FMNL3: variants seen among roughly 807,000 people sequenced by gnomAD.
FMNL3 encodes formin like 3.
Under a neutral mutation model 119.6 loss-of-function variants are expected in FMNL3, and 57 were observed. The ratio of observed to expected loss-of-function variants is 0.48; its 90% CI spans 0.39 to 0.59. The LOEUF (loss-of-function observed/expected upper bound fraction) is 0.59. Ranked by LOEUF, FMNL3 falls within the 20% of genes least tolerant of loss-of-function variation. FMNL3 has a pLI of 0.00. For missense variants in FMNL3, 1,053 were observed against 1,323.5 expected, an observed-to-expected ratio of 0.80 and a Z score of 3.17; for synonymous variants, 491 against 507.3, an observed-to-expected ratio of 0.97 and a Z score of 0.43.
At position 49,637,066 on chromosome 12, in the gene FMNL3, C is replaced by CA. The variant is rs565902316; in HGVS notation, c.*8748dup. 22 of 691,130 alleles carry CA rather than the reference C, an allele frequency of 3.2e-5. No homozygotes were observed. In the East Asian group the frequency reaches 5.8e-4, roughly 18 times the overall value. 42.8% of individuals were successfully genotyped at this position (691,130 alleles called of 1,614,324 possible). ...AGGGAGACTAGATGTATGCACCACC[C>CA]AGAAACTGCCAGTAGAGAGCACCCT... On this transcript the variant is annotated 3_prime_UTR_variant, in exon 26 of 26. Coordinates refer to ENST00000335154, the MANE Select transcript of FMNL3 (RefSeq NM_175736.5).
chr12:49,700,941 T>G (rs1449611847), intron 1 of FMNL3, among the ~76,000 whole-genome samples: 2 of 150,670 alleles, frequency 1.3e-5, no homozygotes, highest in Non-Finnish European at 3.0e-5. Context: ...TAGCCAGGCG[T>G]GGTGGTGGGC....
At position 49,653,814 on chromosome 12, in the gene FMNL3, C is replaced by T. The variant is rs1943482359; in HGVS notation, c.1132G>A (p.Val378Met). 4 of 1,614,240 alleles carry T rather than the reference C, an allele frequency of 2.5e-6. No individual in the cohort carries two copies. The highest frequency in any genetic ancestry group is 2.2e-5 in the South Asian group (2 of 91,084). The change falls in exon 12 of 26, where the codon GTG becomes ATG. Residue 378 changes from valine (V) to methionine (M), a missense_variant. Physicochemically the swap from Val to Met is conservative, Grantham distance 21 (BLOSUM62 1). This residue lies in a region of FMNL3 where 445 missense variants were observed against 628.4 expected (regional missense o/e 0.71). Transcript: ENST00000335154. ...TCCAACAAACCCCCGACATCAAACA[C>T]GTTGTCCAGATATGCCTGAATCTGC... Reference protein sequence around the residue: ...QVQIQAYLDNVFDVGGLLEDA... With the variant: ...QVQIQAYLDNMFDVGGLLEDA...
At chr12:49,684,822 G>C (rs913684584) in intron 1 of FMNL3, among the ~76,000 whole-genome samples, 1 of 152,244 alleles carries the variant, frequency 6.6e-6, no homozygotes, top group Non-Finnish European at 1.5e-5. Flanking sequence ...CCTGCCAAGG[G>C]CCTGAGGATA....
intron 4 of FMNL3, among the ~76,000 whole-genome samples, chr12:49,662,288 C>G (rs1943757079): frequency 6.6e-6 from 1 of 152,224 alleles, no homozygotes; most frequent in Non-Finnish European, 1.5e-5. Context: ...CGTGAAGGTG[C>G]TTCAGACAAA....
At chr12:49,699,970 G>A (rs999853661) in intron 1 of FMNL3, among the ~76,000 whole-genome samples, 3 of 152,168 alleles carry the variant, frequency 2.0e-5, no homozygotes, top group Non-Finnish European at 2.9e-5. Context: ...TGTCTCAAAC[G>A]CCTTTAAAAA....
In FMNL3 at chr12:49,642,516, A is replaced by G; in HGVS notation, c.*3299T>C. 6.3e-7 allele frequency: 1 copy of G among 1,592,464 alleles called. No homozygotes were observed. Among genetic ancestry groups the G allele is most frequent in the Non-Finnish European group, 8.6e-7 (1 of 1,161,318 alleles). Reference sequence around the variant, plus strand: ...TCTGCCCCAGCCCTGCCCTGTGCTCATGGCGGTGTCCAGGCCAGGCTGAGT... The same window carrying G: ...TCTGCCCCAGCCCTGCCCTGTGCTCGTGGCGGTGTCCAGGCCAGGCTGAGT... On this transcript the variant is annotated 3_prime_UTR_variant, in exon 26 of 26. Coordinates refer to ENST00000335154, the MANE Select transcript of FMNL3 (RefSeq NM_175736.5). This position sits in a 1 kb window ranked among gnomAD's most constrained non-coding sequence, Gnocchi z 5.8.
rs1942748654 is a variant in FMNL3, at chr12:49,642,108, A to G, written c.*3707T>C. 29 of 1,602,564 alleles carry G rather than the reference A, an allele frequency of 1.8e-5. No homozygotes were observed. Among genetic ancestry groups the G allele is most frequent in the Non-Finnish European group, 2.5e-5 (29 of 1,171,772 alleles). On this transcript the variant is annotated 3_prime_UTR_variant, in exon 26 of 26. Coordinates refer to ENST00000335154, the MANE Select transcript of FMNL3 (RefSeq NM_175736.5). This position sits in a 1 kb window ranked among gnomAD's most constrained non-coding sequence, Gnocchi z 5.8. ...CTTCTCACTCACTGTCCCACTGACTATATTCCCAATTCAGGGGATGGTGGT... is the reference window on the plus strand; with the variant it reads ...CTTCTCACTCACTGTCCCACTGACTGTATTCCCAATTCAGGGGATGGTGGT...
Position 49,642,691 on chromosome 12 carries a change from C to T in FMNL3, c.*3124G>A. The T allele has an allele frequency of 1.9e-6, 3 of 1,611,452 alleles. No homozygotes were observed. The highest frequency in any genetic ancestry group is 2.5e-6 in the Non-Finnish European group (3 of 1,178,650). ...GGTGCTGGAGGTGAGGCAGGCTTGT[C>T]CTCTGGATCTGCCTCAGGCCCTTGA... On this transcript the variant is annotated 3_prime_UTR_variant, in exon 26 of 26. Coordinates refer to ENST00000335154, the MANE Select transcript of FMNL3 (RefSeq NM_175736.5). This position sits in a 1 kb window ranked among gnomAD's most constrained non-coding sequence, Gnocchi z 5.8.
In FMNL3 at chr12:49,637,254, A is replaced by G; in HGVS notation, c.*8561T>C. The G allele has an allele frequency of 1.7e-6, 1 of 583,456 alleles. No individual in the cohort carries two copies. Among genetic ancestry groups the G allele is most frequent in the East Asian group, 2.8e-5 (1 of 35,242 alleles). The allele number at this position is 583,456 out of a possible 1,614,324, so 36.1% of individuals were successfully genotyped here. ...TGCATCCCGGGACTGGCTTGTTCTC[A>G]CCTTTTTGTTCTGTCCCTCTCTGTG... On this transcript the variant is annotated 3_prime_UTR_variant, in exon 26 of 26. Coordinates refer to ENST00000335154, the MANE Select transcript of FMNL3 (RefSeq NM_175736.5).
chr12:49,702,176 C>T (rs1212742086), intron 1 of FMNL3, among the ~76,000 whole-genome samples: 3 of 152,038 alleles, frequency 2.0e-5, no homozygotes, highest in Non-Finnish European at 2.9e-5. Flanking sequence ...TGGTGGCGCA[C>T]GCCTGTGGTC....
In FMNL3 at chr12:49,638,171, G is replaced by A. The variant is rs757940971; in HGVS notation, c.*7644C>T. 91 of 226,352 alleles carry A rather than the reference G, an allele frequency of 4.0e-4. 1 individual carries two copies. Among genetic ancestry groups the A allele is most frequent in the Non-Finnish European group, 1.4e-4 (16 of 114,530 alleles). 14.0% of individuals were successfully genotyped at this position (226,352 alleles called of 1,614,324 possible). ...GTACTAAGAGCAAAGGCAAGGGGGT[G>A]GAAAGGGCATGCCAGGTCTGAGGAG... On this transcript the variant is annotated 3_prime_UTR_variant, in exon 26 of 26. Transcript: ENST00000335154.
At position 49,659,716 on chromosome 12, in the gene FMNL3, C is replaced by T. The variant is rs560010842; in HGVS notation, c.453-1122G>A. 61 of 962,140 alleles carry T rather than the reference C, an allele frequency of 6.3e-5. No individual in the cohort carries two copies. The Admixed American group carries it at 1.5e-3, about 23-fold the overall frequency. The allele number at this position is 962,140 out of a possible 1,614,324, so 59.6% of individuals were successfully genotyped here. ...TGTGTGAGCCACTGCACCCAGCGACCGTCAGCAGTTTGTCAATGTGGCCAG... is the reference window on the plus strand; with the variant it reads ...TGTGTGAGCCACTGCACCCAGCGACTGTCAGCAGTTTGTCAATGTGGCCAG... On this transcript the variant is annotated intron_variant, in intron 5 of 25. Transcript: ENST00000335154.
intron 16 of FMNL3, 41 bp from the exon 17 acceptor site, chr12:49,650,919 T>C (rs1283976698): frequency 1.2e-6 from 2 of 1,606,368 alleles, no homozygotes; most frequent in African/African-American, 1.3e-5. Context: ...TGTAGCCTCA[T>C]ACTAGTGGAG....
At chr12:49,680,863 C>T (rs1404760605) in intron 1 of FMNL3, among the ~76,000 whole-genome samples, 1 of 152,226 alleles carries the variant, frequency 6.6e-6, no homozygotes, top group African/African-American at 2.4e-5. Flanking sequence ...CAAGGTTACA[C>T]AGAAAGTAGC....
At chr12:49,656,294 T>C (rs955139355) in intron 9 of FMNL3, 110 bp downstream of exon 9, 22 of 779,664 alleles carry the variant, frequency 2.8e-5, no homozygotes, top group African/African-American at 2.8e-4. Flanking sequence ...TGGCCAAGCA[T>C]TGGGATGTTA....
intron 4 of FMNL3, among the ~76,000 whole-genome samples, chr12:49,662,598 G>A (rs889856523): frequency 1.3e-5 from 2 of 152,172 alleles, no homozygotes; most frequent in Non-Finnish European, 2.9e-5. Flanking sequence ...GAGCAGAGAT[G>A]TATAGAAGTT....
At chr12:49,654,012 C>T (rs1943490052) in intron 11 of FMNL3, 138 bp from the exon 12 acceptor site, 4 of 1,331,230 alleles carry the variant, frequency 3.0e-6, no homozygotes, top group Non-Finnish European at 3.1e-6. Context: ...GTCAGATTCT[C>T]GCCCCCATGG....
At position 49,669,902 on chromosome 12, in the gene FMNL3, C is replaced by A. The variant is rs117349790; in HGVS notation, c.127-1348G>T. ...ACAAACAAAAAAGAATAAAGGCAGT[C>A]TGACACTTTAATCAGACCACTGTAC... is the stretch of plus-strand genomic sequence containing the variant. On this transcript the variant is annotated intron_variant, in intron 1 of 25. Transcript: ENST00000335154. Among the ~76,000 whole-genome samples the A allele has an allele frequency of 4.6e-5, 7 of 152,074 alleles. No homozygotes were observed. The East Asian group carries it at 1.4e-3, about 29-fold the overall frequency.
chr12:49,661,419 G>A (rs1353612225), intron 5 of FMNL3, among the ~76,000 whole-genome samples: 1 of 152,132 alleles, frequency 6.6e-6, no homozygotes, highest in Admixed American at 6.6e-5. Flanking sequence ...ATACCAGGCC[G>A]CCTTTTCTGT....
Sources: allele counts gnomAD v4.1 joint callset (sites outside exome capture counted in the v4.1 genomes callset), GRCh38; gene constraint gnomAD v4.1.1; regional missense constraint gnomAD v4.1.1; non-coding constraint Gnocchi (gnomAD v3.1); transcripts MANE v1.5; gene names NCBI Gene and HGNC (gene_info 2026-07-23, HGNC 2026-07-21).